Variants in VASP observed in about 807,000 individuals in gnomAD.
The protein encoded by VASP is vasodilator stimulated phosphoprotein, also known as vasodilator-stimulated phosphoprotein.
In VASP, 27 loss-of-function variants were observed where a neutral mutation model predicts 54.4. That is an observed-to-expected ratio of 0.50 (90% CI 0.37 to 0.68). The LOEUF is 0.68. Among genes scored for constraint, VASP ranks in the 30% least tolerant of loss-of-function variants. The probability of loss-of-function intolerance (pLI) is 0.00; values close to 1 mark genes in which losing one functional copy is unlikely to be tolerated. For missense variants in VASP, 488 were observed against 528.3 expected, an observed-to-expected ratio of 0.92 and a Z score of 0.75; for synonymous variants, 233 against 209.8, an observed-to-expected ratio of 1.11 and a Z score of -0.96.
At position 45,517,693 on chromosome 19, in the gene VASP, T is replaced by C. The variant is rs777545877; in HGVS notation, c.36T>C (p.Thr12=). Residue 12 remains threonine, a synonymous_variant, in exon 2 of 13, where the codon ACT becomes ACC. Transcript: ENST00000245932. The part of the protein sequence containing the change: ...SETVICSSRA[T]VMLYDDGNKR... ...CGGTCATCTGTTCCAGCCGGGCCAC[T>C]GTGATGCTTTATGATGATGGCAACA... 1 of 1,611,422 alleles carries C rather than the reference T, an allele frequency of 6.2e-7. No homozygotes were observed. Among genetic ancestry groups the C allele is most frequent in the Non-Finnish European group, 8.5e-7 (1 of 1,179,990 alleles).
rs760378360 is a variant in VASP, at chr19:45,521,366, C to G, written c.388C>G (p.Pro130Ala). 6.3e-7 allele frequency: 1 copy of G among 1,582,126 alleles called. No individual in the cohort carries two copies. Among genetic ancestry groups the G allele is most frequent in the Non-Finnish European group, 8.6e-7 (1 of 1,164,204 alleles). ...CCCAGCACTTCCCACCTGGTCGGTC[C>G]CGAACGGCCCCTCCCCGGAGGAGGT... is the stretch of plus-strand genomic sequence containing the variant. ...PPPALPTWSV[P>A]NGPSPEEVEQ... is the part of the protein sequence containing the mutation. The change falls in exon 4 of 13, where the codon CCG becomes GCG. Residue 130 changes from proline (P) to alanine (A), a missense_variant. Pro to Ala is a conservative substitution (Grantham distance 27, BLOSUM62 -1). This residue lies in a region of VASP where 226 missense variants were observed against 196.0 expected (regional missense o/e 1.15). Transcript: ENST00000245932.
At position 45,524,037 on chromosome 19, in the gene VASP, AAGAT is replaced by A. The variant is rs1444585960; in HGVS notation, c.911-59_911-56del. ...CAGGGGCTGATGAGGTTGGGGGAGTAAGATTGATTGGGGGGCAGTCTTTTGTCCC... is the reference window on the plus strand; with the variant it reads ...CAGGGGCTGATGAGGTTGGGGGAGTATGATTGGGGGGCAGTCTTTTGTCCC... On this transcript the variant is annotated intron_variant, in intron 9 of 12. Transcript: ENST00000245932. The A allele has an allele frequency of 1.9e-6, 3 of 1,609,150 alleles. No homozygotes were observed. The Admixed American group carries it at 5.0e-5, about 27-fold the overall frequency.
intron 1 of VASP, among the ~76,000 whole-genome samples, chr19:45,510,495 T>C (rs1006595313): frequency 2.6e-5 from 4 of 152,214 alleles, no homozygotes; most frequent in Admixed American, 1.3e-4. Context: ...TAAAGTGTTA[T>C]TATTACAGAC....
At chr19:45,509,468 T>G (rs974132642) in intron 1 of VASP, among the ~76,000 whole-genome samples, 1 of 151,872 alleles carries the variant, frequency 6.6e-6, no homozygotes, top group Non-Finnish European at 1.5e-5. Flanking sequence ...CCTCACTCAC[T>G]GCAACCGTAA....
chr19:45,526,344 A>G lies in VASP; in HGVS notation c.*167A>G. 4 of 770,702 alleles carry G rather than the reference A, an allele frequency of 5.2e-6. No homozygotes were observed. In the South Asian group the frequency reaches 8.8e-5, roughly 17 times the overall value. 47.7% of individuals were successfully genotyped at this position (770,702 alleles called of 1,614,324 possible). On this transcript the variant is annotated 3_prime_UTR_variant, in exon 13 of 13. Transcript: ENST00000245932. Reference sequence around the variant, plus strand: ...CCAAGGGGGTGTGGCTTCCCTGCTCACACCCACACTGGCTGCTGATTGGCT... The same window carrying G: ...CCAAGGGGGTGTGGCTTCCCTGCTCGCACCCACACTGGCTGCTGATTGGCT...
At chr19:45,523,298 G>T (rs575218059) in intron 7 of VASP, among the ~76,000 whole-genome samples, 1 of 145,468 alleles carries the variant, frequency 6.9e-6, no homozygotes, top group African/African-American at 2.6e-5. Flanking sequence ...CGCCTCCTGG[G>T]TTCAGGCAGT....
At chr19:45,518,469 C>CG (rs1449159171) in intron 3 of VASP, among the ~76,000 whole-genome samples, 1 of 151,886 alleles carries the variant, frequency 6.6e-6, no homozygotes, top group East Asian at 1.9e-4. Context: ...TGCTGAGGGA[C>CG]GAGAAGTGTT....
At chr19:45,511,033 A>G (rs1343846937) in intron 1 of VASP, among the ~76,000 whole-genome samples, 2 of 152,032 alleles carry the variant, frequency 1.3e-5, no homozygotes, top group Non-Finnish European at 2.9e-5. Context: ...CTCTTAAGAT[A>G]ATTCAGATAA....
At chr19:45,521,523 A>G in intron 4 of VASP, 117 bp downstream of exon 4, 1 of 945,126 alleles carries the variant, frequency 1.1e-6, no homozygotes, top group Admixed American at 3.0e-5. Flanking sequence ...AATGTTCAAG[A>G]AACTTCTGAC....
At chr19:45,522,680 C>G (rs1437440004) in intron 6 of VASP, 38 bp from the exon 7 acceptor site, 1 of 1,597,134 alleles carries the variant, frequency 6.3e-7, no homozygotes, top group East Asian at 2.3e-5. Context: ...GCCAAAAGGC[C>G]TGCCCCTAAA....
Position 45,507,912 on chromosome 19 carries a change from C to T in VASP, c.5+136C>T, listed in dbSNP as rs1200828442. 1.9e-6 allele frequency: 1 copy of T among 533,464 alleles called. No individual in the cohort carries two copies. Among genetic ancestry groups the T allele is most frequent in the Non-Finnish European group, 3.1e-6 (1 of 318,430 alleles). The allele number at this position is 533,464 out of a possible 1,614,324, so 33.0% of individuals were successfully genotyped here. Reference sequence around the variant, plus strand: ...GGGAGCCTCGGATTTGAGCTGAATCCCCTTGGACGCGCCCCAGAACCGTCG... The same window carrying T: ...GGGAGCCTCGGATTTGAGCTGAATCTCCTTGGACGCGCCCCAGAACCGTCG... On this transcript the variant is annotated intron_variant, in intron 1 of 12. Transcript: ENST00000245932. The surrounding 1 kb of genome is among the most constrained non-coding windows in gnomAD (Gnocchi z 4.4).
intron 11 of VASP, 74 bp downstream of exon 11, chr19:45,524,734 G>A: frequency 7.1e-7 from 1 of 1,417,090 alleles, no homozygotes; most frequent in Non-Finnish European, 9.8e-7. Flanking sequence ...CATGCCGTAT[G>A]ATCCTAGATA....
At chr19:45,523,152 AC>A (rs2122338362) in intron 7 of VASP, among the ~76,000 whole-genome samples, 1 of 141,818 alleles carries the variant, frequency 7.1e-6, no homozygotes, top group African/African-American at 2.7e-5. Flanking sequence ...GAATCATAGA[AC>A]CTCCTCCACC....
intron 4 of VASP, 128 bp from the exon 5 acceptor site, chr19:45,522,040 A>G: frequency 3.3e-6 from 4 of 1,217,398 alleles, no homozygotes; most frequent in Non-Finnish European, 3.5e-6. Context: ...TAGGGGAGGA[A>G]GGCTTGGGTG....
Position 45,518,103 on chromosome 19 carries a change from TGGC to T in VASP, c.343+15_343+17del, listed in dbSNP as rs776265592. The T allele has an allele frequency of 2.4e-5, 39 of 1,611,118 alleles. No individual in the cohort carries two copies. The highest frequency in any genetic ancestry group is 6.7e-5 in the African/African-American group (5 of 74,896). ...CCTAGAGGCGTTGGAAGGTCAGAAA[TGGC>T]GGCGGGCAAAGGGGACCAGTGAATG... On this transcript the variant is annotated intron_variant, in intron 3 of 12. Transcript: ENST00000245932.
At position 45,518,432 on chromosome 19, in the gene VASP, C is replaced by A. The variant is rs373724903; in HGVS notation, c.343+338C>A. On this transcript the variant is annotated intron_variant, in intron 3 of 12. Coordinates refer to ENST00000245932, the MANE Select transcript of VASP (RefSeq NM_003370.4). ...CAAAAATTAGCTGGGCGTGGTGGTGCGCGCCTGTAATCCCAGCTATTCGGG... is the reference window on the plus strand; with the variant it reads ...CAAAAATTAGCTGGGCGTGGTGGTGAGCGCCTGTAATCCCAGCTATTCGGG... Among the ~76,000 whole-genome samples the A allele has an allele frequency of 2.0e-5, 3 of 152,016 alleles. No homozygotes were observed. The East Asian group carries it at 5.8e-4, about 30-fold the overall frequency.
At position 45,507,856 on chromosome 19, in the gene VASP, G is replaced by C. The variant is rs1278116627; in HGVS notation, c.5+80G>C. On this transcript the variant is annotated intron_variant, in intron 1 of 12. Transcript: ENST00000245932. The surrounding 1 kb of genome is among the most constrained non-coding windows in gnomAD (Gnocchi z 4.4). The stretch of plus-strand genomic sequence containing the variant: ...CCTTTGTCCCCCTCCCCCCCAGCTA[G>C]CTCCGGGCTGGAATTTGGGGACAGA... 1.8e-5 allele frequency: 16 copies of C among 909,696 alleles called. No individual in the cohort carries two copies. The highest frequency in any genetic ancestry group is 2.4e-5 in the Non-Finnish European group (16 of 660,408). The allele number at this position is 909,696 out of a possible 1,614,324, so 56.4% of individuals were successfully genotyped here.
chr19:45,517,134 TCAAAAA>T (rs1271866758), intron 1 of VASP, among the ~76,000 whole-genome samples: 1 of 150,728 alleles, frequency 6.6e-6, no homozygotes, highest in Admixed American at 6.6e-5. Flanking sequence ...AGACTCTGTC[TCAAAAA>T]CAAAAATAAA....
In VASP at chr19:45,514,931, A is replaced by G. The variant is rs376915418; in HGVS notation, c.6-2732A>G. On this transcript the variant is annotated intron_variant, in intron 1 of 12. Transcript: ENST00000245932. Reference sequence around the variant, plus strand: ...CTCAGTAGCTGTGTGACTGTGGGCAAGTCACTCAACCTCTCTGGGCCTCTA... The same window carrying G: ...CTCAGTAGCTGTGTGACTGTGGGCAGGTCACTCAACCTCTCTGGGCCTCTA... Among the ~76,000 whole-genome samples the G allele has an allele frequency of 9.2e-4, 140 of 152,314 alleles. 1 individual carries two copies. The highest frequency in any genetic ancestry group is 3.3e-3 in the African/African-American group (137 of 41,580).
Sources: gnomAD v4.1 joint callset for allele counts (sites outside exome capture counted in the v4.1 genomes callset) on GRCh38, gnomAD v4.1.1 for gene constraint, gnomAD v4.1.1 regional missense constraint, Gnocchi (gnomAD v3.1) non-coding constraint, MANE v1.5 for transcripts, NCBI Gene and HGNC (gene_info 2026-07-23, HGNC 2026-07-21) for gene names.